Variants in PRKAB1 observed in about 807,000 individuals in gnomAD.
PRKAB1 encodes the protein 5'-AMP-activated protein kinase subunit beta-1.
Under a neutral mutation model 32.0 loss-of-function variants are expected in PRKAB1, and 18 were observed. That is an observed-to-expected ratio of 0.56 (90% CI 0.39 to 0.83). The LOEUF (loss-of-function observed/expected upper bound fraction) is 0.83. Among genes scored for constraint, PRKAB1 ranks in the 40% least tolerant of loss-of-function variants. PRKAB1 has a pLI of 0.00. For missense variants in PRKAB1, 263 were observed against 352.6 expected (o/e 0.75, Z 2.03); for synonymous variants, 141 against 141.4 (o/e 1.00, Z 0.02).
chr12:119,674,006 G>A lies in PRKAB1; in HGVS notation c.366G>A (p.Glu122=), dbSNP rs779882642. 1.2e-6 allele frequency: 2 copies of A among 1,613,998 alleles called. No individual in the cohort carries two copies. Among genetic ancestry groups the A allele is most frequent in the Admixed American group, 1.7e-5 (1 of 59,980 alleles). ...FVAILDLPEG[E]HQYKFFVDGQ... ...CCATCCTGGATCTGCCGGAAGGAGA[G>A]CATCAGTACAAGTTCTTTGTGGATG... The change falls in exon 3 of 7, where the codon GAG becomes GAA. Residue 122 remains glutamate, a synonymous_variant. Transcript: ENST00000229328. The surrounding 1 kb of genome is among the most constrained non-coding windows in gnomAD (Gnocchi z 4.3).
At position 119,679,806 on chromosome 12, in the gene PRKAB1, C is replaced by T. The variant is rs766270348; in HGVS notation, c.667-127C>T. The T allele has an allele frequency of 3.9e-6, 4 of 1,018,068 alleles. No homozygotes were observed. The highest frequency in any genetic ancestry group is 6.1e-6 in the Non-Finnish European group (4 of 653,424). 63.1% of individuals were successfully genotyped at this position (1,018,068 alleles called of 1,614,324 possible). A position where few individuals can be genotyped will look rare whatever the true frequency, so the allele number is the denominator to read the frequency against. On this transcript the variant is annotated intron_variant, in intron 5 of 6. Transcript: ENST00000229328. The surrounding 1 kb of genome is among the most constrained non-coding windows in gnomAD (Gnocchi z 4.1). The stretch of plus-strand genomic sequence containing the variant: ...CGTCTTGGACAAGCCCTTGCGCTGC[C>T]TGATTTGGGAAGAGAGGTCGGCCTG...
chr12:119,678,980 T>TA (rs1188372031), intron 5 of PRKAB1: 2 of 152,238 alleles, frequency 1.3e-5, no homozygotes, highest in African/African-American at 4.8e-5. Context: ...AGCAGTGCAC[T>TA]AAAAGTAGCT....
Position 119,674,225 on chromosome 12 carries a change from T to C in PRKAB1, c.418-115T>C. 9.6e-7 allele frequency: 1 copy of C among 1,037,550 alleles called. No homozygotes were observed. 64.3% of individuals were successfully genotyped at this position (1,037,550 alleles called of 1,614,324 possible). On this transcript the variant is annotated intron_variant, in intron 3 of 6. Coordinates refer to ENST00000229328, the MANE Select transcript of PRKAB1 (RefSeq NM_006253.5). The surrounding 1 kb of genome is among the most constrained non-coding windows in gnomAD (Gnocchi z 4.3). ...AGACAGTTGGCATACTTGACCAAGA[T>C]GAGCAGGGTGGCTAGCCAGGAGATG... is the stretch of plus-strand genomic sequence containing the variant.
At position 119,680,605 on chromosome 12, in the gene PRKAB1, C is replaced by G; in HGVS notation, c.*280C>G. 1 of 472,654 alleles carries G rather than the reference C, an allele frequency of 2.1e-6. No homozygotes were observed. The highest frequency in any genetic ancestry group is 3.8e-6 in the Non-Finnish European group (1 of 261,758). The allele number at this position is 472,654 out of a possible 1,614,324, so 29.3% of individuals were successfully genotyped here. The stretch of plus-strand genomic sequence containing the variant: ...GGTGGCAGAGGATCTGCAGCCCTGG[C>G]CCCGCGGTGCATGAGGCTGGGTGCA... On this transcript the variant is annotated 3_prime_UTR_variant, in exon 7 of 7. Coordinates refer to ENST00000229328, the MANE Select transcript of PRKAB1 (RefSeq NM_006253.5).
chr12:119,679,535 TTACAGA>T lies in PRKAB1; in HGVS notation c.667-393_667-388del, dbSNP rs567195349. The T allele has an allele frequency of 9.9e-4, 225 of 228,356 alleles. No individual in the cohort carries two copies. The highest frequency in any genetic ancestry group is 4.3e-3 in the South Asian group (72 of 16,684). The allele number at this position is 228,356 out of a possible 1,614,324, so 14.1% of individuals were successfully genotyped here. On this transcript the variant is annotated intron_variant, in intron 5 of 6. Transcript: ENST00000229328. The surrounding 1 kb of genome is among the most constrained non-coding windows in gnomAD (Gnocchi z 4.1). ...TTTCATTCTTCAGGTTCATTGAGTCTTACAGATACAAGTTTTGAATCCATTGCTCAG... is the reference window on the plus strand; with the variant it reads ...TTTCATTCTTCAGGTTCATTGAGTCTTACAAGTTTTGAATCCATTGCTCAG...
At chr12:119,671,458 G>A (rs1414427671) in intron 1 of PRKAB1, 4 of 413,482 alleles carry the variant, frequency 9.7e-6, no homozygotes, top group Non-Finnish European at 1.5e-5. Flanking sequence ...GAGGCCTTAG[G>A]AAACTTACAA....
In PRKAB1 at chr12:119,680,456, T is replaced by C. The variant is rs1593333828; in HGVS notation, c.*131T>C. On this transcript the variant is annotated 3_prime_UTR_variant, in exon 7 of 7. Coordinates refer to ENST00000229328, the MANE Select transcript of PRKAB1 (RefSeq NM_006253.5). Reference sequence around the variant, plus strand: ...TTCAGAAGACATTTCATACCTGCCCTGGTCCTGCTTGAAGGTTTGTCCAGG... The same window carrying C: ...TTCAGAAGACATTTCATACCTGCCCCGGTCCTGCTTGAAGGTTTGTCCAGG... 1.1e-6 allele frequency: 1 copy of C among 943,146 alleles called. No homozygotes were observed. Among genetic ancestry groups the C allele is most frequent in the South Asian group, 1.6e-5 (1 of 63,610 alleles). The allele number at this position is 943,146 out of a possible 1,614,324, so 58.4% of individuals were successfully genotyped here.
chr12:119,672,268 T>C (rs1955393267), intron 1 of PRKAB1, 33 bp from the exon 2 acceptor site: 1 of 1,563,168 alleles, frequency 6.4e-7, no homozygotes, highest in Admixed American at 1.9e-5. Context: ...GGAGCTCGCT[T>C]ATGGCTTTCT....
intron 1 of PRKAB1, among the ~76,000 whole-genome samples, chr12:119,671,940 CTTGA>C (rs1199846945): frequency 2.0e-5 from 3 of 152,158 alleles, no homozygotes; most frequent in African/African-American, 7.2e-5. Flanking sequence ...TCAAATCTTG[CTTGA>C]TTAAGGGAGG....
chr12:119,678,542 C>G (rs1471005242), intron 5 of PRKAB1: 2 of 152,220 alleles, frequency 1.3e-5, no homozygotes. Flanking sequence ...CACTCCTAGC[C>G]GCTGGCAACC....
Position 119,668,265 on chromosome 12 carries a change from G to A in PRKAB1, c.21G>A (p.Glu7=), listed in dbSNP as rs1043350. The A allele has an allele frequency of 4.4e-6, 7 of 1,607,108 alleles. No homozygotes were observed. The East Asian group carries it at 1.1e-4, about 26-fold the overall frequency. MGNTSS[E]RAALERHGGH... ...CCATCATGGGCAATACCAGCAGTGA[G>A]CGCGCCGCGCTGGAGCGGCATGGTG... The change falls in exon 1 of 7, where the codon GAG becomes GAA. Residue 7 remains glutamate, a synonymous_variant. Transcript: ENST00000229328.
In PRKAB1 at chr12:119,672,466, T is replaced by TA. The variant is rs1393762491; in HGVS notation, c.323+4dup. On this transcript the variant is annotated splice_region_variant and intron_variant, in intron 2 of 6. Coordinates refer to ENST00000229328, the MANE Select transcript of PRKAB1 (RefSeq NM_006253.5). ...GAGTAAACTTCCCCTCACCAGAAGG[T>TA]AATTGCCTGGGGAGTGTTCACATAT... is the stretch of plus-strand genomic sequence containing the variant. The TA allele has an allele frequency of 7.6e-6, 12 of 1,578,800 alleles. No homozygotes were observed. Among genetic ancestry groups the TA allele is most frequent in the Non-Finnish European group, 1.0e-5 (12 of 1,160,428 alleles).
intron 5 of PRKAB1, among the ~76,000 whole-genome samples, chr12:119,677,171 T>C (rs1955432205): frequency 6.6e-6 from 1 of 152,258 alleles, no homozygotes. Context: ...GATTCTGTTT[T>C]CTGTTCCATC....
chr12:119,676,630 A>G lies in PRKAB1; in HGVS notation c.626A>G (p.His209Arg). 1 of 1,612,896 alleles carries G rather than the reference A, an allele frequency of 6.2e-7. No individual in the cohort carries two copies. The highest frequency in any genetic ancestry group is 8.5e-7 in the Non-Finnish European group (1 of 1,179,582). The change falls in exon 5 of 7, where the codon CAT becomes CGT. Residue 209 changes from histidine (H) to arginine (R), a missense_variant. Physicochemically the swap from His to Arg is conservative, Grantham distance 29. Transcript: ENST00000229328. ...RFRAPPILPP[H>R]LLQVILNKDT... ...CGGGCACCCCCTATTCTCCCCCCACATCTCCTCCAGGTCATCCTGAACAAG... is the reference window on the plus strand; with the variant it reads ...CGGGCACCCCCTATTCTCCCCCCACGTCTCCTCCAGGTCATCCTGAACAAG...
In PRKAB1 at chr12:119,668,209, C is replaced by T. The variant is rs773552804; in HGVS notation, c.-36C>T. 1 of 1,535,352 alleles carries T rather than the reference C, an allele frequency of 6.5e-7. No homozygotes were observed. Among genetic ancestry groups the T allele is most frequent in the Admixed American group, 2.3e-5 (1 of 42,572 alleles). ...AGGGTCCCTTTCCTGCAGTGAGGCG[C>T]CGTCCGCCTTCCCTGTGTCCCCGCA... On this transcript the variant is annotated 5_prime_UTR_variant, in exon 1 of 7. Transcript: ENST00000229328.
chr12:119,671,481 G>T (rs1048295960), intron 1 of PRKAB1: 1 of 374,172 alleles, frequency 2.7e-6, no homozygotes, highest in African/African-American at 2.1e-5. Context: ...ATGGTAAAAG[G>T]CACCTCTTCA....
chr12:119,680,405 G>T lies in PRKAB1; in HGVS notation c.*80G>T. 7.4e-7 allele frequency: 1 copy of T among 1,346,770 alleles called. No homozygotes were observed. Among genetic ancestry groups the T allele is most frequent in the South Asian group, 1.2e-5 (1 of 82,788 alleles). The allele number at this position is 1,346,770 out of a possible 1,614,324, so 83.4% of individuals were successfully genotyped here. ...TGCATGCTTTCCCCAAGAGGGAATG[G>T]ACTGTACATTGCTCATTTCACACTC... On this transcript the variant is annotated 3_prime_UTR_variant, in exon 7 of 7. Coordinates refer to ENST00000229328, the MANE Select transcript of PRKAB1 (RefSeq NM_006253.5).
intron 4 of PRKAB1, among the ~76,000 whole-genome samples, chr12:119,675,786 G>C (rs1955419912): frequency 6.6e-6 from 1 of 152,198 alleles, no homozygotes; most frequent in South Asian, 2.1e-4. Context: ...GGCAGAGCTG[G>C]GGCATAGCAG....
chr12:119,681,184 G>A lies in PRKAB1; in HGVS notation c.*859G>A, dbSNP rs1202517006. The A allele has an allele frequency of 6.6e-6, 1 of 152,244 alleles. No individual in the cohort carries two copies. The highest frequency in any genetic ancestry group is 1.9e-4 in the East Asian group (1 of 5,188). 9.4% of individuals were successfully genotyped at this position (152,244 alleles called of 1,614,324 possible). On this transcript the variant is annotated 3_prime_UTR_variant, in exon 7 of 7. Transcript: ENST00000229328. Reference sequence around the variant, plus strand: ...AGTGTTAACCGTGAAAACTTGAGAGGCACTCTGCCCTCTTCCCTATAAAAT... The same window carrying A: ...AGTGTTAACCGTGAAAACTTGAGAGACACTCTGCCCTCTTCCCTATAAAAT...
Sources: gnomAD v4.1 joint callset for allele counts (sites outside exome capture counted in the v4.1 genomes callset) on GRCh38, gnomAD v4.1.1 for gene constraint, Gnocchi (gnomAD v3.1) non-coding constraint, MANE v1.5 for transcripts, NCBI Gene and HGNC (gene_info 2026-07-23, HGNC 2026-07-21) for gene names.